USO1: variants seen among roughly 807,000 people sequenced by gnomAD.
USO1 encodes USO1 vesicle transport factor.
In USO1, 57 loss-of-function variants were observed where a neutral mutation model predicts 124.5. The observed-to-expected ratio is 0.46, with a 90% CI of 0.37 to 0.57. The LOEUF (loss-of-function observed/expected upper bound fraction) is 0.57, where lower values mean the gene tolerates loss of function less well. Among genes scored for constraint, USO1 ranks in the 20% least tolerant of loss-of-function variants. The pLI is 0.00. For synonymous variants in USO1, 369 were observed against 362.8 expected, an observed-to-expected ratio of 1.02 and a Z score of -0.19; for missense variants, 900 against 1,040.6, an observed-to-expected ratio of 0.86 and a Z score of 1.86.
intron 1 of USO1, among the ~76,000 whole-genome samples, chr4:75,740,423 G>A (rs1215181931): frequency 6.6e-6 from 1 of 152,176 alleles, no homozygotes; most frequent in East Asian, 1.9e-4. Flanking sequence ...GAGTAGCTAG[G>A]ACTACAGGCA....
At chr4:75,724,994 T>A in intron 1 of USO1, 109 bp downstream of exon 1, 1 of 1,137,588 alleles carries the variant, frequency 8.8e-7, no homozygotes, top group Non-Finnish European at 1.3e-6. Flanking sequence ...GGAGGGGGCA[T>A]CCACATGCCG....
chr4:75,739,854 T>C (rs764924094), intron 1 of USO1, among the ~76,000 whole-genome samples: 3 of 152,122 alleles, frequency 2.0e-5, no homozygotes, highest in African/African-American at 7.2e-5. Context: ...CATCTTTGTA[T>C]TGTTTTGTTT....
intron 1 of USO1, among the ~76,000 whole-genome samples, chr4:75,736,518 G>T (rs1720796651): frequency 6.6e-6 from 1 of 151,930 alleles, no homozygotes; most frequent in Non-Finnish European, 1.5e-5. Context: ...GCCCAGGCTG[G>T]TCTCGAACTC....
Position 75,770,467 on chromosome 4 carries a change from T to C in USO1, c.324T>C (p.Asp108=). The C allele has an allele frequency of 6.3e-7, 1 of 1,591,012 alleles. No homozygotes were observed. The highest frequency in any genetic ancestry group is 8.6e-7 in the Non-Finnish European group (1 of 1,167,824). Residue 108 remains aspartate, a synonymous_variant, in exon 5 of 24, where the codon GAT becomes GAC. Transcript: ENST00000514213. ...VEENSTRQSE[D]LGSQFTEIFI... is the part of the protein sequence containing the mutation. ...AAAATTCCACAAGACAGAGTGAAGA[T>C]TTGGGAAGCCAATTTACAGAAATTT...
Position 75,804,131 on chromosome 4 carries a change from C to T in USO1, c.1987-3C>T. On this transcript the variant is annotated splice_region_variant and splice_polypyrimidine_tract_variant and intron_variant, in intron 17 of 23. Coordinates refer to ENST00000514213, the MANE Select transcript of USO1 (RefSeq NM_003715.4). ...AACACATGAATTATGTTTTGTTTCA[C>T]AGGATCTCCAACTTGAGGAATTAAG... The T allele has an allele frequency of 2.5e-6, 4 of 1,611,904 alleles. No individual in the cohort carries two copies. Among genetic ancestry groups the T allele is most frequent in the Non-Finnish European group, 3.4e-6 (4 of 1,179,120 alleles).
At chr4:75,760,675 C>A in intron 4 of USO1, 2 of 395,974 alleles carry the variant, frequency 5.1e-6, no homozygotes, top group South Asian at 2.6e-4. Flanking sequence ...AGGACACTGT[C>A]AAGTACTGTT....
intron 4 of USO1, among the ~76,000 whole-genome samples, chr4:75,760,388 C>T (rs570914505): frequency 1.2e-4 from 18 of 152,232 alleles, no homozygotes; most frequent in African/African-American, 3.6e-4. Context: ...AAATCTGTCT[C>T]GTAGTCCTAA....
At chr4:75,745,250 G>A (rs1357395633) in intron 1 of USO1, 1 of 473,868 alleles carries the variant, frequency 2.1e-6, no homozygotes. Flanking sequence ...TCAGTTAGTA[G>A]CTTCTGATTA....
chr4:75,790,996 T>C (rs1043777703), intron 12 of USO1, among the ~76,000 whole-genome samples, 199 bp downstream of exon 12: 5 of 152,150 alleles, frequency 3.3e-5, no homozygotes, highest in African/African-American at 1.2e-4. Context: ...AGAGTTTGCA[T>C]TGCAGAATTT....
intron 4 of USO1, among the ~76,000 whole-genome samples, chr4:75,763,324 C>A (rs914853206): frequency 5.8e-4 from 89 of 152,168 alleles, no homozygotes; most frequent in African/African-American, 2.0e-3. Context: ...TCAGTAGAAT[C>A]TATACTTCGA....
chr4:75,741,973 T>C (rs922569216), intron 1 of USO1, among the ~76,000 whole-genome samples: 6 of 152,148 alleles, frequency 3.9e-5, no homozygotes, highest in Non-Finnish European at 8.8e-5. Context: ...ATCACTGTCT[T>C]CTACCCTCAT....
At chr4:75,788,832 C>T (rs1025291812) in intron 10 of USO1, among the ~76,000 whole-genome samples, 5 of 151,852 alleles carry the variant, frequency 3.3e-5, no homozygotes, top group African/African-American at 1.2e-4. Flanking sequence ...TGCACCCGGC[C>T]GTTATTTGTC....
At chr4:75,786,332 T>A (rs1299016340) in intron 9 of USO1, among the ~76,000 whole-genome samples, 1 of 152,206 alleles carries the variant, frequency 6.6e-6, no homozygotes, top group Non-Finnish European at 1.5e-5. Context: ...AGCACTTTGT[T>A]GTTAACAAGG....
intron 1 of USO1, among the ~76,000 whole-genome samples, chr4:75,730,882 C>G (rs1036261016): frequency 2.6e-5 from 4 of 152,024 alleles, no homozygotes; most frequent in African/African-American, 9.7e-5. Context: ...CTCCTGGCCT[C>G]AAACAATCCT....
intron 20 of USO1, among the ~76,000 whole-genome samples, chr4:75,808,238 C>A (rs1723048779): frequency 1.3e-5 from 2 of 152,068 alleles, no homozygotes; most frequent in Non-Finnish European, 2.9e-5. Context: ...TAAAAACTTT[C>A]AATTAATACC....
intron 1 of USO1, among the ~76,000 whole-genome samples, chr4:75,740,155 G>A (rs1720917736): frequency 6.6e-6 from 1 of 152,080 alleles, no homozygotes; most frequent in African/African-American, 2.4e-5. Context: ...GCAACATAGT[G>A]ACACCTCATC....
intron 17 of USO1, among the ~76,000 whole-genome samples, chr4:75,803,756 G>T (rs1176448733): frequency 6.6e-6 from 1 of 151,172 alleles, no homozygotes; most frequent in Non-Finnish European, 1.5e-5. Context: ...TTTTCTCATT[G>T]GCTTTTAATA....
chr4:75,738,864 G>GAA (rs552921185), intron 1 of USO1, among the ~76,000 whole-genome samples: 159 of 151,720 alleles, frequency 1.0e-3, no homozygotes, highest in African/African-American at 3.7e-3. Flanking sequence ...GTTTTGTTTG[G>GAA]TTTATTTTTT....
rs537938943 is a variant in USO1 at position 75,757,688 on chromosome 4, T to A, written c.295+115T>A. On this transcript the variant is annotated intron_variant, in intron 4 of 23. Coordinates refer to ENST00000514213, the MANE Select transcript of USO1 (RefSeq NM_003715.4). ...TATAAATGTATAAGTTTTTTTACTT[T>A]TTTCATTAAAAAATTTAATAAACAC... is the stretch of plus-strand genomic sequence containing the variant. The A allele has an allele frequency of 1.8e-3, 1,892 of 1,041,544 alleles. 5 individuals are homozygous for A. Among genetic ancestry groups the A allele is most frequent in the Non-Finnish European group, 2.2e-3 (1,762 of 814,532 alleles). The allele number at this position is 1,041,544 out of a possible 1,614,324, so 64.5% of individuals were successfully genotyped here.
Sources: gnomAD v4.1 joint callset for allele counts (sites outside exome capture counted in the v4.1 genomes callset) on GRCh38, gnomAD v4.1.1 for gene constraint, MANE v1.5 for transcripts, NCBI Gene and HGNC (gene_info 2026-07-23, HGNC 2026-07-21) for gene names.